The following ZDHHC11B variants were observed in gnomAD, a reference collection of about 807,000 sequenced individuals.
ZDHHC11B encodes probable palmitoyltransferase ZDHHC11B.
In ZDHHC11B, 17 loss-of-function variants were observed where a neutral mutation model predicts 42.3. That is an observed-to-expected ratio of 0.40 (90% CI 0.27 to 0.60). The LOEUF is 0.60. Among genes scored for constraint, ZDHHC11B ranks in the 20% least tolerant of loss-of-function variants. ZDHHC11B has a pLI of 0.41. For missense variants in ZDHHC11B, 262 were observed against 463.2 expected (o/e 0.57, Z 3.99); for synonymous variants, 123 against 193.5 (o/e 0.64, Z 3.02).
At chr5:769,239 C>T (rs1381469226) in intron 1 of ZDHHC11B, among the ~76,000 whole-genome samples, 1 of 119,678 alleles carries the variant, frequency 8.4e-6, no homozygotes, top group African/African-American at 2.8e-5. Context: ...AAGAAGAAAT[C>T]TTGTCCTGCG....
At chr5:729,482 G>A (rs1470458109) in intron 12 of ZDHHC11B, among the ~76,000 whole-genome samples, 1 of 151,010 alleles carries the variant, frequency 6.6e-6, no homozygotes, top group Admixed American at 6.6e-5. Context: ...AGGCAGGCTG[G>A]GGACTGAGAT....
intron 1 of ZDHHC11B, among the ~76,000 whole-genome samples, chr5:776,670 G>A (rs1471278388): frequency 1.3e-5 from 2 of 151,958 alleles, no homozygotes; most frequent in African/African-American, 2.4e-5. Context: ...CACAGCGGAA[G>A]GAGTGGACAG....
At chr5:739,876 C>T (rs1743970966) in intron 10 of ZDHHC11B, among the ~76,000 whole-genome samples, 1 of 147,274 alleles carries the variant, frequency 6.8e-6, no homozygotes, top group Admixed American at 6.9e-5. Context: ...TAAAACAAAT[C>T]AGTGGATAAA....
intron 1 of ZDHHC11B, among the ~76,000 whole-genome samples, chr5:770,167 G>A (rs1382913361): frequency 2.0e-5 from 3 of 150,556 alleles, no homozygotes; most frequent in African/African-American, 4.9e-5. Context: ...TGTCCCAGCT[G>A]AGCCGGGTGC....
chr5:777,527 C>T (rs992069024), intron 1 of ZDHHC11B, among the ~76,000 whole-genome samples: 7 of 151,840 alleles, frequency 4.6e-5, no homozygotes, highest in African/African-American at 1.5e-4. Flanking sequence ...CTTTCCACAG[C>T]GGAGAAGAGA....
At chr5:766,300 G>A (rs1244679141) in intron 4 of ZDHHC11B, among the ~76,000 whole-genome samples, 1 of 69,320 alleles carries the variant, frequency 1.4e-5, no homozygotes, top group Non-Finnish European at 2.8e-5. Context: ...GCAGACCCGG[G>A]ACCCCTGCCG....
chr5:728,474 T>C lies in ZDHHC11B; in HGVS notation c.1058+1960A>G, dbSNP rs188022765. Among the ~76,000 whole-genome samples the C allele has an allele frequency of 1.7e-3, 247 of 148,940 alleles. 2 individuals are homozygous for C. The highest frequency in any genetic ancestry group is 0.011 in the East Asian group (53 of 4,678). On this transcript the variant is annotated intron_variant, in intron 12 of 13. Transcript: ENST00000508859. Reference sequence around the variant, plus strand: ...AAACTTGGTCATAAACTTAATATCCTGTAGTGAACAATGGTTGACTAAGCC... The same window carrying C: ...AAACTTGGTCATAAACTTAATATCCCGTAGTGAACAATGGTTGACTAAGCC...
At chr5:770,038 A>G (rs392698) in intron 1 of ZDHHC11B, among the ~76,000 whole-genome samples, 49,380 of 145,680 alleles carry the variant, frequency 0.34, 6,012 homozygotes, top group East Asian at 0.48. Flanking sequence ...TTGGCTGCCC[A>G]GTCCTTCGAG....
chr5:776,660 C>T (rs559979092), intron 1 of ZDHHC11B, among the ~76,000 whole-genome samples: 1 of 152,028 alleles, frequency 6.6e-6, no homozygotes, highest in East Asian at 1.9e-4. Flanking sequence ...AAGCCACCCT[C>T]ACAGCGGAAG....
chr5:759,465 A>G (rs1281294045), intron 4 of ZDHHC11B, among the ~76,000 whole-genome samples: 1 of 151,938 alleles, frequency 6.6e-6, no homozygotes, highest in African/African-American at 2.4e-5. Flanking sequence ...CTTCCACTGC[A>G]GCTACCGAGC....
Position 751,669 on chromosome 5 carries a change from T to C in ZDHHC11B, c.504-412A>G, listed in dbSNP as rs2878471. ...CACTTGAGAGAGGGCTCCTGGCCACTGCCCGATGCTGGCCTCAAACCCTGC... is the reference window on the plus strand; with the variant it reads ...CACTTGAGAGAGGGCTCCTGGCCACCGCCCGATGCTGGCCTCAAACCCTGC... On this transcript the variant is annotated intron_variant, in intron 6 of 13. Coordinates refer to ENST00000508859, the MANE Select transcript of ZDHHC11B (RefSeq NM_001351303.2). Among the ~76,000 whole-genome samples, 76 of 127,966 alleles carry C rather than the reference T, an allele frequency of 5.9e-4. 6 individuals carry two copies. The highest frequency in any genetic ancestry group is 9.9e-4 in the African/African-American group (39 of 39,436). The allele number at this position is 127,966 out of a possible 152,430, so 84.0% of individuals were successfully genotyped here.
At chr5:715,481 C>T (rs1293815368) in intron 13 of ZDHHC11B, among the ~76,000 whole-genome samples, 1 of 149,860 alleles carries the variant, frequency 6.7e-6, no homozygotes, top group Non-Finnish European at 1.5e-5. Context: ...CAATTTTTTA[C>T]AGCACCAATT....
chr5:778,056 C>A (rs1318031034), intron 1 of ZDHHC11B, among the ~76,000 whole-genome samples: 1 of 151,916 alleles, frequency 6.6e-6, no homozygotes, highest in African/African-American at 2.4e-5. Context: ...CCGCAGCCAC[C>A]GTAGGACAGA....
At chr5:779,141 C>G (rs470949) in intron 1 of ZDHHC11B, among the ~76,000 whole-genome samples, 2 of 150,884 alleles carry the variant, frequency 1.3e-5, no homozygotes, top group African/African-American at 4.9e-5. Flanking sequence ...CACAGTCGCC[C>G]TGAGGCTGGG....
chr5:772,859 G>C (rs189213083), intron 1 of ZDHHC11B, among the ~76,000 whole-genome samples: 2 of 151,978 alleles, frequency 1.3e-5, no homozygotes, highest in African/African-American at 4.8e-5. Flanking sequence ...GAGCCCATCT[G>C]AGCTTCACTG....
rs145236710 is a variant in ZDHHC11B, at chr5:766,334, G to A, written c.222+364C>T. 3.3e-3 allele frequency among the ~76,000 whole-genome samples: 507 copies of A among 151,518 alleles called. 2 individuals carry two copies. The highest frequency in any genetic ancestry group is 0.012 in the African/African-American group (478 of 40,984). ...CGCTGGAAGATGGGAGCAGAACCAG[G>A]TCCCCCACCTGCTGGGAGATGGGAG... On this transcript the variant is annotated intron_variant, in intron 4 of 13. Transcript: ENST00000508859.
chr5:751,938 T>C (rs1246830557), intron 6 of ZDHHC11B, among the ~76,000 whole-genome samples: 1 of 118,652 alleles, frequency 8.4e-6, no homozygotes, highest in African/African-American at 2.7e-5. Context: ...AGAGATGCGG[T>C]GCGACTCGCC....
chr5:758,423 G>A lies in ZDHHC11B; in HGVS notation c.223-2279C>T, dbSNP rs1413116123. Among the ~76,000 whole-genome samples the A allele has an allele frequency of 3.0e-4, 45 of 151,998 alleles. 1 individual carries two copies. Among genetic ancestry groups the A allele is most frequent in the African/African-American group, 9.9e-4 (41 of 41,466 alleles). On this transcript the variant is annotated intron_variant, in intron 4 of 13. Coordinates refer to ENST00000508859, the MANE Select transcript of ZDHHC11B (RefSeq NM_001351303.2). ...CATTCTCCGGGCTTCGCACAAAGAAGCCCGCTGCCAGGGAGACGGTGCTGC... is the reference window on the plus strand; with the variant it reads ...CATTCTCCGGGCTTCGCACAAAGAAACCCGCTGCCAGGGAGACGGTGCTGC...
chr5:715,463 C>G (rs1354161870), intron 13 of ZDHHC11B, among the ~76,000 whole-genome samples: 2 of 150,206 alleles, frequency 1.3e-5, no homozygotes, highest in Non-Finnish European at 3.0e-5. Flanking sequence ...TCCTCCATAC[C>G]ACTGAGACAA....
Sources: allele counts gnomAD v4.1 joint callset (sites outside exome capture counted in the v4.1 genomes callset), GRCh38; gene constraint gnomAD v4.1.1; transcripts MANE v1.5; gene names NCBI Gene and HGNC (gene_info 2026-07-23, HGNC 2026-07-21).